The following TENM2 variants were observed in gnomAD, a reference collection of about 807,000 sequenced individuals.
The protein encoded by TENM2 is teneurin transmembrane protein 2, also known as teneurin-2.
TENM2 carries 52 observed loss-of-function variants against 245.2 expected under a neutral mutation model. The observed-to-expected ratio is 0.21, with a 90% confidence interval of 0.17 to 0.27. The LOEUF (loss-of-function observed/expected upper bound fraction) is 0.27. Ranked by LOEUF, TENM2 falls within the 10% of genes least tolerant of loss-of-function variation. The pLI, the probability that TENM2 is intolerant of heterozygous loss-of-function variation, is 1.00. For synonymous variants in TENM2, 1,363 were observed against 1,438.9 expected, an observed-to-expected ratio of 0.95 and a Z score of 1.19; for missense variants, 3,046 against 3,666.8, an observed-to-expected ratio of 0.83 and a Z score of 4.37.
At chr5:167,375,392 A>G in exon 2 of TENM2, 2 of 1,551,742 alleles carry the variant, frequency 1.3e-6, no homozygotes, top group African/African-American at 1.4e-5. Flanking sequence ...ATCCAGGCGC[A>G]GTTCCGGCCT....
the TENM2 span, among the ~76,000 whole-genome samples, chr5:166,987,534 CT>C: frequency 0.81 from 122,095 of 151,344 alleles, 49,615 homozygotes; most frequent in Middle Eastern, 0.87. Context: ...TTTCTGTACT[CT>C]TTTTTTTTAA....
intron 2 of TENM2, among the ~76,000 whole-genome samples, chr5:167,579,566 G>A (rs1002295168): frequency 5.3e-5 from 8 of 152,208 alleles, no homozygotes; most frequent in African/African-American, 1.9e-4. Context: ...GCCAAGCGTT[G>A]TCCTGACTCA....
chr5:167,214,510 T>A, the TENM2 span, among the ~76,000 whole-genome samples: 2 of 152,336 alleles, frequency 1.3e-5, no homozygotes, highest in East Asian at 3.9e-4. Context: ...CTTTCTTTTC[T>A]TAGCCAGCTC....
chr5:167,172,737 A>G, the TENM2 span, among the ~76,000 whole-genome samples: 88 of 151,564 alleles, frequency 5.8e-4, 1 homozygote, highest in African/African-American at 2.1e-3. Context: ...TGAGTTTCCA[A>G]GTAGCCAGCA....
chr5:167,725,492 T>G (rs1582847997), intron 2 of TENM2, among the ~76,000 whole-genome samples: 1 of 152,216 alleles, frequency 6.6e-6, no homozygotes, highest in East Asian at 1.9e-4. Flanking sequence ...CCTCTCATGC[T>G]AAATGCTTAC....
intron 2 of TENM2, among the ~76,000 whole-genome samples, chr5:167,840,533 C>T (rs1340087374): frequency 6.6e-6 from 1 of 152,026 alleles, no homozygotes; most frequent in Non-Finnish European, 1.5e-5. Flanking sequence ...ACCGCGTCTC[C>T]CCTCCTTCCT....
chr5:166,986,240 G>C, the TENM2 span, among the ~76,000 whole-genome samples: 1 of 152,132 alleles, frequency 6.6e-6, no homozygotes, highest in Non-Finnish European at 1.5e-5. Flanking sequence ...TTTTGTGTTT[G>C]GCCTTAGAGT....
intron 2 of TENM2, among the ~76,000 whole-genome samples, chr5:167,701,988 A>G (rs1758171104): frequency 6.6e-6 from 1 of 152,178 alleles, no homozygotes; most frequent in African/African-American, 2.4e-5. Flanking sequence ...ATCCTGCTTT[A>G]ATCAACCCAT....
chr5:167,737,978 G>T (rs1055365639), intron 2 of TENM2, among the ~76,000 whole-genome samples: 6 of 152,212 alleles, frequency 3.9e-5, no homozygotes, highest in African/African-American at 1.4e-4. Flanking sequence ...GGCTAACTTG[G>T]CCTCAGCTGT....
At chr5:168,046,250 C>T (rs1008564008) in intron 5 of TENM2, among the ~76,000 whole-genome samples, 6 of 152,106 alleles carry the variant, frequency 3.9e-5, no homozygotes, top group African/African-American at 1.4e-4. Flanking sequence ...AATTGTGTTC[C>T]CTGCAGATAA....
At chr5:167,031,803 G>A in the TENM2 span, among the ~76,000 whole-genome samples, 1 of 152,144 alleles carries the variant, frequency 6.6e-6, no homozygotes, top group African/African-American at 2.4e-5. Flanking sequence ...GAGCTCAGGT[G>A]ATCTGCCCAC....
intron 2 of TENM2, among the ~76,000 whole-genome samples, chr5:167,671,638 T>A (rs1755950089): frequency 6.6e-6 from 1 of 152,014 alleles, no homozygotes; most frequent in Non-Finnish European, 1.5e-5. Flanking sequence ...TAAGTGTGTG[T>A]CTATTATAAA....
At chr5:167,189,527 CTCTT>C in the TENM2 span, among the ~76,000 whole-genome samples, 4 of 149,446 alleles carry the variant, frequency 2.7e-5, no homozygotes, top group Non-Finnish European at 4.5e-5. Flanking sequence ...CTTCCTTTCT[CTCTT>C]TCTTTCGTTC....
chr5:168,083,451 C>T (rs1792178203), intron 7 of TENM2, among the ~76,000 whole-genome samples: 1 of 152,202 alleles, frequency 6.6e-6, no homozygotes, highest in South Asian at 2.1e-4. Flanking sequence ...GGGCTGCACC[C>T]ACTGTCTGAC....
Position 168,218,157 on chromosome 5 carries a change from C to A in TENM2, c.4266C>A (p.Val1422=), listed in dbSNP as rs1460053169. Residue 1422 remains valine (V), a synonymous_variant, in exon 23 of 29, where the codon GTC becomes GTA. Transcript: ENST00000518659. The surrounding 1 kb of genome is among the most constrained non-coding windows in gnomAD (Gnocchi z 5.2). ...TGGAGTGGCCAACAGACCTTGCTGT[C>A]AATCCCATGGATAACTCCTTGTATG... 1 of 1,613,676 alleles carries A rather than the reference C, an allele frequency of 6.2e-7. No individual in the cohort carries two copies. The highest frequency in any genetic ancestry group is 1.3e-5 in the African/African-American group (1 of 74,926).
the TENM2 span, among the ~76,000 whole-genome samples, chr5:167,103,856 AT>A: frequency 3.3e-5 from 5 of 151,882 alleles, no homozygotes; most frequent in Non-Finnish European, 7.4e-5. Context: ...AAAAAAAAAA[AT>A]GAGTTTACCC....
the TENM2 span, among the ~76,000 whole-genome samples, chr5:167,105,887 C>CAAAAAAAAAAAAAAAAAAA: frequency 4.1e-5 from 2 of 48,848 alleles, no homozygotes; most frequent in Non-Finnish European, 6.5e-5. Context: ...GACTCCGTCT[C>CAAAAAAAAAAAAAAAAAAA]AAAAAAAAAA....
the TENM2 span, among the ~76,000 whole-genome samples, chr5:167,191,678 G>A: frequency 2.1e-4 from 32 of 152,118 alleles, no homozygotes; most frequent in South Asian, 6.0e-3. Context: ...AGCAATGTAG[G>A]ATACCACTGC....
intron 2 of TENM2, among the ~76,000 whole-genome samples, chr5:167,735,176 T>G (rs923908366): frequency 6.6e-6 from 1 of 152,206 alleles, no homozygotes; most frequent in African/African-American, 2.4e-5. Context: ...CCACATCCAG[T>G]GTCTGAAAAT....
Sources: allele counts gnomAD v4.1 joint callset (sites outside exome capture counted in the v4.1 genomes callset), GRCh38; gene constraint gnomAD v4.1.1; non-coding constraint Gnocchi (gnomAD v3.1); transcripts MANE v1.5; gene names NCBI Gene and HGNC (gene_info 2026-07-23, HGNC 2026-07-21).